Variants in ABCA7 observed in about 807,000 individuals in gnomAD.
ABCA7 encodes the protein ATP binding cassette subfamily A member 7.
Under a neutral mutation model 227.6 loss-of-function variants are expected in ABCA7, and 261 were observed. The ratio of observed to expected loss-of-function variants is 1.15; its 90% CI spans 1.04 to 1.27. The LOEUF (loss-of-function observed/expected upper bound fraction) is 1.27, where lower values mean the gene tolerates loss of function less well. ABCA7 is among the 50% of genes most tolerant of loss of function. The pLI, the probability that ABCA7 is intolerant of heterozygous loss-of-function variation, is 0.00. For synonymous variants in ABCA7, 1,488 were observed against 1,279.7 expected, an observed-to-expected ratio of 1.16 and a Z score of -3.47; for missense variants, 3,331 against 2,924.5, an observed-to-expected ratio of 1.14 and a Z score of -3.21.
chr19:1,058,407 C>G, intron 37 of ABCA7, 138 bp downstream of exon 37: 1 of 1,445,614 alleles, frequency 6.9e-7, no homozygotes, highest in Non-Finnish European at 9.1e-7. Flanking sequence ...AAGGTTGGGC[C>G]AAGTTGGAGG....
At position 1,042,763 on chromosome 19, in the gene ABCA7, A is replaced by T; in HGVS notation, c.516A>T (p.Ala172=). The change falls in exon 7 of 47, where the codon GCA becomes GCT. Residue 172 remains alanine (A), a synonymous_variant. Coordinates refer to ENST00000263094, the MANE Select transcript of ABCA7 (RefSeq NM_019112.4). ...CTCCCCAGGAATCCCTGGGGTTGGC[A>T]CTGGGCCAAGCCCAGGAGCCCTTGC... ...SLLRTESLGL[A]LGQAQEPLHS... 1 of 1,613,434 alleles carries T rather than the reference A, an allele frequency of 6.2e-7. No individual in the cohort carries two copies. The highest frequency in any genetic ancestry group is 8.5e-7 in the Non-Finnish European group (1 of 1,179,950).
At chr19:1,044,073 A>T (rs1372909518) in intron 10 of ABCA7, among the ~76,000 whole-genome samples, 1 of 147,398 alleles carries the variant, frequency 6.8e-6, no homozygotes, top group Non-Finnish European at 1.5e-5. Context: ...AGTAGCTGGG[A>T]CTACAGGCGC....
At chr19:1,041,654 G>A (rs1354846547) in intron 3 of ABCA7, 51 bp downstream of exon 3, 1 of 1,591,452 alleles carries the variant, frequency 6.3e-7, no homozygotes, top group African/African-American at 1.3e-5. Context: ...GAAGGCAGAT[G>A]GCTCACCCGT....
Position 1,041,415 on chromosome 19 carries a change from C to T in ABCA7, c.54C>T (p.Arg18=). 1 of 1,614,012 alleles carries T rather than the reference C, an allele frequency of 6.2e-7. No individual in the cohort carries two copies. Among genetic ancestry groups the T allele is most frequent in the Non-Finnish European group, 8.5e-7 (1 of 1,180,042 alleles). ...TGCTCTGGAAGAATTTCATGTATCG[C>T]CGGAGACAGCCGGTAACGCCCCAGT... The part of the protein sequence containing the change: ...MLLLWKNFMY[R]RRQPVQLLVE... The change falls in exon 2 of 47, where the codon CGC becomes CGT. Residue 18 remains arginine, a synonymous_variant. Coordinates refer to ENST00000263094, the MANE Select transcript of ABCA7 (RefSeq NM_019112.4).
chr19:1,054,805 C>T lies in ABCA7; in HGVS notation c.3877C>T (p.Arg1293Cys), dbSNP rs756112727. 2.3e-5 allele frequency: 37 copies of T among 1,590,292 alleles called. 1 individual carries two copies. Among genetic ancestry groups the T allele is most frequent in the African/African-American group, 4.0e-5 (3 of 74,310 alleles). The change falls in exon 29 of 47, where the codon CGT becomes TGT. Residue 1293 changes from arginine to cysteine, a missense_variant. Transcript: ENST00000263094. The surrounding 1 kb of genome is among the most constrained non-coding windows in gnomAD (Gnocchi z 4.8). ...FSEDAPGDPG[R>C]ARLLEALLQE... is the part of the protein sequence containing the mutation. ...TGAGGACGCCCCAGGGGACCCTGGA[C>T]GTGCCCGGCTGCTCGAGGCGCTGCT...
rs779219188 is a variant in ABCA7 at position 1,043,346 on chromosome 19, C to T, written c.803C>T (p.Ser268Leu). ...ACCCCCATCCCAGGCCCCGCCTGCT[C>T]GGAGCTGATTGGAGCCCTGGACAGC... ...LPDSSLSPACSELIGALDSHP... is the reference protein window; with the variant it reads ...LPDSSLSPACLELIGALDSHP... The change falls in exon 9 of 47, where the codon TCG (serine) becomes TTG (leucine). Residue 268 changes from serine (S) to leucine (L), a missense_variant. Ser to Leu is a moderately radical substitution (Grantham distance 145). Coordinates refer to ENST00000263094, the MANE Select transcript of ABCA7 (RefSeq NM_019112.4). 3.1e-6 allele frequency: 5 copies of T among 1,613,038 alleles called. No individual in the cohort carries two copies. In the South Asian group the frequency reaches 5.5e-5, roughly 18 times the overall value.
At chr19:1,045,263 G>C in intron 12 of ABCA7, 32 bp downstream of exon 12, 5 of 1,086,136 alleles carry the variant, frequency 4.6e-6, no homozygotes, top group Non-Finnish European at 6.9e-6. Context: ...GGGGATGAGG[G>C]ACTGGGCGGG....
At chr19:1,040,443 C>T (rs1399609777) in intron 1 of ABCA7, among the ~76,000 whole-genome samples, 1 of 152,168 alleles carries the variant, frequency 6.6e-6, no homozygotes, top group Non-Finnish European at 1.5e-5. Flanking sequence ...CTCCCCCTTG[C>T]CCCGTCTTAC....
rs550858539 is a variant in ABCA7, at chr19:1,057,145, C to T, written c.4764+61C>T. The T allele has an allele frequency of 5.1e-6, 8 of 1,573,504 alleles. No homozygotes were observed. In the African/African-American group the frequency reaches 5.4e-5, roughly 11 times the overall value. ...ACTGCTTGCCACTGCCCTGTCTGGCCCCTTGTAGGCAGGGGCTTGTCCAAG... is the reference window on the plus strand; with the variant it reads ...ACTGCTTGCCACTGCCCTGTCTGGCTCCTTGTAGGCAGGGGCTTGTCCAAG... On this transcript the variant is annotated intron_variant, in intron 34 of 46. Coordinates refer to ENST00000263094, the MANE Select transcript of ABCA7 (RefSeq NM_019112.4).
Position 1,056,867 on chromosome 19 carries a change from C to T in ABCA7, c.4587-40C>T, listed in dbSNP as rs756837404. 13 of 1,592,098 alleles carry T rather than the reference C, an allele frequency of 8.2e-6. No individual in the cohort carries two copies. In the African/African-American group the frequency reaches 1.3e-4, roughly 16 times the overall value. On this transcript the variant is annotated intron_variant, in intron 33 of 46. Coordinates refer to ENST00000263094, the MANE Select transcript of ABCA7 (RefSeq NM_019112.4). The surrounding 1 kb of genome is among the most constrained non-coding windows in gnomAD (Gnocchi z 4.3). ...TCAGCTCTGCTCTGAGCAACCCATG[C>T]ACCCTCACCCTACAACAGCTCTCAT...
At chr19:1,057,209 G>T (rs1320106454) in intron 34 of ABCA7, 105 bp from the exon 35 acceptor site, 1 of 1,551,432 alleles carries the variant, frequency 6.4e-7, no homozygotes, top group Non-Finnish European at 8.8e-7. Flanking sequence ...GGGAGACTTT[G>T]TGCCTTCCTA....
chr19:1,050,399 G>A (rs958763231), intron 18 of ABCA7, among the ~76,000 whole-genome samples: 2 of 143,548 alleles, frequency 1.4e-5, no homozygotes, highest in African/African-American at 4.9e-5. Context: ...GCAACAGAGT[G>A]AGACTCTGTC....
rs3752244 is a variant in ABCA7 at position 1,054,171 on chromosome 19, C to T, written c.3578-22C>T. 3.1e-6 allele frequency: 5 copies of T among 1,611,360 alleles called. No homozygotes were observed. Among genetic ancestry groups the T allele is most frequent in the East Asian group, 2.2e-5 (1 of 44,848 alleles). ...CCACCCCCCCACAGCAGCGTGAGCA[C>T]TGACCCTCTCATCCCTCACAGCTGG... On this transcript the variant is annotated intron_variant, in intron 26 of 46. Transcript: ENST00000263094. This position sits in a 1 kb window ranked among gnomAD's most constrained non-coding sequence, Gnocchi z 4.8.
Position 1,065,070 on chromosome 19 carries a change from G to C in ABCA7, c.6184G>C (p.Gly2062Arg). Residue 2062 changes from glycine (G) to arginine (R), a missense_variant, in exon 46 of 47, where the codon GGA becomes CGA. Physicochemically the swap from Gly to Arg is moderately radical, Grantham distance 125 (BLOSUM62 -2). Transcript: ENST00000263094. ...CCGCCTGCGCTTCCAGCTGCCGCCG[G>C]GAGGGCGCTGCGCCCTGGCGCGCGT... is the stretch of plus-strand genomic sequence containing the variant. ...GGRLRFQLPP[G>R]GRCALARVFG... is the part of the protein sequence containing the mutation. 1.3e-6 allele frequency: 2 copies of C among 1,566,342 alleles called. No homozygotes were observed. Among genetic ancestry groups the C allele is most frequent in the East Asian group, 2.4e-5 (1 of 41,890 alleles).
intron 45 of ABCA7, chr19:1,064,609 G>A: frequency 2.0e-6 from 1 of 496,712 alleles, no homozygotes. Context: ...TATTTATTGT[G>A]TGGGCGGGGG....
In ABCA7 at chr19:1,045,250, C is replaced by A. The variant is rs1354100301; in HGVS notation, c.1445+19C>A. 5.5e-6 allele frequency: 3 copies of A among 543,996 alleles called. No individual in the cohort carries two copies. Among genetic ancestry groups the A allele is most frequent in the African/African-American group, 2.3e-5 (1 of 43,982 alleles). 33.7% of individuals were successfully genotyped at this position (543,996 alleles called of 1,614,324 possible). On this transcript the variant is annotated intron_variant, in intron 12 of 46. Coordinates refer to ENST00000263094, the MANE Select transcript of ABCA7 (RefSeq NM_019112.4). ...GGGACAGGTCAGGCGAGGGAGGGGG[C>A]GGGGGGATGAGGGACTGGGCGGGGC...
chr19:1,058,501 C>G (rs1484651486), intron 37 of ABCA7, 117 bp from the exon 38 acceptor site: 6 of 1,504,520 alleles, frequency 4.0e-6, no homozygotes, highest in Non-Finnish European at 5.4e-6. Flanking sequence ...TAGACTCCAG[C>G]TGAGTGGCCT....
chr19:1,042,685 G>C (rs1568226642), intron 6 of ABCA7, 61 bp from the exon 7 acceptor site: 2 of 1,536,738 alleles, frequency 1.3e-6, no homozygotes, highest in East Asian at 2.2e-5. Context: ...GAACTGGCCA[G>C]AGCGCTGGAC....
At chr19:1,048,191 T>TAAA (rs35966146) in intron 16 of ABCA7, among the ~76,000 whole-genome samples, 28 of 101,436 alleles carry the variant, frequency 2.8e-4, no homozygotes, top group East Asian at 1.9e-3. Flanking sequence ...TCCATCTCTT[T>TAAA]AAAAAAAAAA....
Sources: allele counts gnomAD v4.1 joint callset (sites outside exome capture counted in the v4.1 genomes callset), GRCh38; gene constraint gnomAD v4.1.1; non-coding constraint Gnocchi (gnomAD v3.1); transcripts MANE v1.5; gene names NCBI Gene and HGNC (gene_info 2026-07-23, HGNC 2026-07-21).